Variants in MAP1S observed in about 807,000 individuals in gnomAD.
MAP1S encodes microtubule associated protein 1S.
Under a neutral mutation model 60.9 loss-of-function variants are expected in MAP1S, and 27 were observed. That is an observed-to-expected ratio of 0.44 (90% confidence interval 0.33 to 0.61). The LOEUF (loss-of-function observed/expected upper bound fraction) is 0.61, where lower values mean the gene tolerates loss of function less well. MAP1S is among the 20% of genes least tolerant of loss of function. The pLI is 0.03. For synonymous variants in MAP1S, 826 were observed against 694.2 expected (o/e 1.19, Z -2.98); for missense variants, 1,608 against 1,486.6 (o/e 1.08, Z -1.34).
In MAP1S at chr19:17,727,973, G is replaced by T; in HGVS notation, c.2589G>T (p.Arg863=). ...AAACGGAGAACGTCAGCCGCACCCG[G>T]AAGCCCCTGGCCCGCCCCAACTCAC... is the stretch of plus-strand genomic sequence containing the variant. ...ARQTENVSRT[R]KPLARPNSRA... is the part of the protein sequence containing the mutation. Residue 863 remains arginine, a synonymous_variant, in exon 5 of 7, where the codon CGG becomes CGT. Transcript: ENST00000324096. This position sits in a 1 kb window ranked among gnomAD's most constrained non-coding sequence, Gnocchi z 4.1. 6.2e-7 allele frequency: 1 copy of T among 1,608,716 alleles called. No homozygotes were observed. The highest frequency in any genetic ancestry group is 8.5e-7 in the Non-Finnish European group (1 of 1,177,594).
At chr19:17,731,260 A>G (rs1230747356) in intron 5 of MAP1S, among the ~76,000 whole-genome samples, 2 of 152,104 alleles carry the variant, frequency 1.3e-5, no homozygotes, top group African/African-American at 2.4e-5. Context: ...TCCATTTCAC[A>G]TTTAGGTCCA....
intron 5 of MAP1S, among the ~76,000 whole-genome samples, chr19:17,729,135 G>T (rs2080470619): frequency 6.6e-6 from 1 of 152,174 alleles, no homozygotes; most frequent in African/African-American, 2.4e-5. Flanking sequence ...AAAGAGAAAA[G>T]GCACATAGGG....
Position 17,727,255 on chromosome 19 carries a change from T to A in MAP1S, c.1871T>A (p.Leu624Gln). 6.4e-7 allele frequency: 1 copy of A among 1,573,194 alleles called. No homozygotes were observed. Among genetic ancestry groups the A allele is most frequent in the Non-Finnish European group, 8.6e-7 (1 of 1,164,898 alleles). The change falls in exon 5 of 7, where the codon CTG becomes CAG. Residue 624 changes from leucine (L) to glutamine (Q), a missense_variant. Coordinates refer to ENST00000324096, the MANE Select transcript of MAP1S (RefSeq NM_018174.6). The surrounding 1 kb of genome is among the most constrained non-coding windows in gnomAD (Gnocchi z 4.1). ...ATCCCAGCCGGGGAGGAGAAGGCAC[T>A]GGAGCTGCCTTTGGCCGCCAGCTCA... ...GPIPAGEEKALELPLAASSIP... is the reference protein window; with the variant it reads ...GPIPAGEEKAQELPLAASSIP...
Position 17,729,220 on chromosome 19 carries a change from C to T in MAP1S, c.2788+1048C>T, listed in dbSNP as rs150512484. ...GGGCTGCACACCACAGGCTTCATTT[C>T]TCCAGTAGCAAGTTGTAACAGTGTG... On this transcript the variant is annotated intron_variant, in intron 5 of 6. Transcript: ENST00000324096. Among the ~76,000 whole-genome samples the T allele has an allele frequency of 9.6e-4, 146 of 152,284 alleles. 1 individual carries two copies. The highest frequency in any genetic ancestry group is 3.3e-3 in the African/African-American group (137 of 41,554).
At position 17,727,382 on chromosome 19, in the gene MAP1S, A is replaced by G. The variant is rs370046276; in HGVS notation, c.1998A>G (p.Pro666=). ...CACTGCGGGGCGGGGAGGCCGGGCC[A>G]GACGCCTCACCCACAGTGACCACAC... ...LSPLRGGEAG[P]DASPTVTTPT... The change falls in exon 5 of 7, where the codon CCA becomes CCG. Residue 666 remains proline, a synonymous_variant. Coordinates refer to ENST00000324096, the MANE Select transcript of MAP1S (RefSeq NM_018174.6). This position sits in a 1 kb window ranked among gnomAD's most constrained non-coding sequence, Gnocchi z 4.1. 3.1e-6 allele frequency: 5 copies of G among 1,592,324 alleles called. No homozygotes were observed. The highest frequency in any genetic ancestry group is 1.3e-5 in the African/African-American group (1 of 74,344).
rs373990918 is a variant in MAP1S at position 17,733,417 on chromosome 19, C to A, written c.3013C>A (p.Arg1005Ser). Residue 1005 changes from arginine to serine, a missense_variant, in exon 6 of 7, where the codon CGT becomes AGT. Physicochemically the swap from Arg to Ser is moderately radical, Grantham distance 110. This residue lies in a region of MAP1S where 76 missense variants were observed against 110.1 expected (regional missense o/e 0.69). Coordinates refer to ENST00000324096, the MANE Select transcript of MAP1S (RefSeq NM_018174.6). ...ALLASKQHWD[R>S]DLQVTLIPTF... The stretch of plus-strand genomic sequence containing the variant: ...ACTGGCCAGCAAGCAGCATTGGGAC[C>A]GTGACCTGCAGGTGCGTGTCACCCC... The A allele has an allele frequency of 6.2e-7, 1 of 1,600,602 alleles. No homozygotes were observed. Among genetic ancestry groups the A allele is most frequent in the Non-Finnish European group, 8.5e-7 (1 of 1,173,120 alleles).
At position 17,727,630 on chromosome 19, in the gene MAP1S, A is replaced by C. The variant is rs1326964271; in HGVS notation, c.2246A>C (p.Lys749Thr). The C allele has an allele frequency of 1.2e-6, 2 of 1,608,154 alleles. No homozygotes were observed. Among genetic ancestry groups the C allele is most frequent in the Non-Finnish European group, 1.7e-6 (2 of 1,179,736 alleles). ...LVSPCEFEHR[K>T]AVPMAPAPAS... The stretch of plus-strand genomic sequence containing the variant: ...TCACCCTGTGAATTTGAGCATCGCA[A>C]GGCGGTGCCAATGGCACCGGCACCT... The change falls in exon 5 of 7, where the codon AAG becomes ACG. Residue 749 changes from lysine (K) to threonine (T), a missense_variant. Lys to Thr is a moderately conservative substitution (Grantham distance 78, BLOSUM62 -1). Transcript: ENST00000324096. The surrounding 1 kb of genome is among the most constrained non-coding windows in gnomAD (Gnocchi z 4.1).
intron 2 of MAP1S, among the ~76,000 whole-genome samples, 193 bp from the exon 3 acceptor site, chr19:17,723,933 C>G (rs910156479): frequency 3.2e-4 from 48 of 152,212 alleles, no homozygotes; most frequent in African/African-American, 1.1e-3. Context: ...ATGGGGCCCT[C>G]TGGTTACTGC....
rs376985455 is a variant in MAP1S, at chr19:17,727,099, G to T, written c.1715G>T (p.Gly572Val). Residue 572 changes from glycine to valine, a missense_variant, in exon 5 of 7, where the codon GGC (glycine) becomes GTC (valine). This residue lies in a region of MAP1S where 1,167 missense variants were observed against 961.4 expected (regional missense o/e 1.21). Transcript: ENST00000324096. The surrounding 1 kb of genome is among the most constrained non-coding windows in gnomAD (Gnocchi z 4.1). ...AAAGCGCCCAGCACGTCCCACTCTG[G>T]CTTCCCGCCGGTGGCAAATGGACCC... ...PRKAPSTSHS[G>V]FPPVANGPRS... 2.5e-6 allele frequency: 4 copies of T among 1,597,140 alleles called. No homozygotes were observed. Among genetic ancestry groups the T allele is most frequent in the Middle Eastern group, 3.3e-4 (2 of 6,068 alleles).
chr19:17,732,869 C>T (rs1008739117), intron 5 of MAP1S, among the ~76,000 whole-genome samples: 5 of 152,136 alleles, frequency 3.3e-5, no homozygotes, highest in East Asian at 1.9e-4. Flanking sequence ...AAGGGGTGGC[C>T]GGTGGTGTTT....
Position 17,726,949 on chromosome 19 carries a change from C to T in MAP1S, c.1565C>T (p.Pro522Leu), listed in dbSNP as rs775993412. Residue 522 changes from proline (P) to leucine (L), a missense_variant, in exon 5 of 7, where the codon CCC becomes CTC. By Grantham distance (98) the Pro-to-Leu change is moderately conservative (BLOSUM62 -3). Transcript: ENST00000324096. ...AAGACTGAGAAAGAAGCCAAGACCC[C>T]CCGGGAGTTGAAGAAAGACCCCAAA... ...PRKTEKEAKT[P>L]RELKKDPKPS... The T allele has an allele frequency of 3.2e-6, 5 of 1,572,828 alleles. No homozygotes were observed. The highest frequency in any genetic ancestry group is 4.3e-6 in the Non-Finnish European group (5 of 1,159,878).
Position 17,727,441 on chromosome 19 carries a change from TG to T in MAP1S, c.2060del (p.Gly687AlafsTer31). The T allele has an allele frequency of 6.2e-7, 1 of 1,603,072 alleles. No individual in the cohort carries two copies. Among genetic ancestry groups the T allele is most frequent in the Non-Finnish European group, 8.5e-7 (1 of 1,175,466 alleles). On this transcript the variant is annotated frameshift_variant, in exon 5 of 7. Coordinates refer to ENST00000324096, the MANE Select transcript of MAP1S (RefSeq NM_018174.6). LOFTEE classifies it high-confidence loss of function. The surrounding 1 kb of genome is among the most constrained non-coding windows in gnomAD (Gnocchi z 4.1). ...ACCACGCCCTCACTACCCGCAGAGG[TG>T]GGCTCCCCGCACTCGACCGAGGTGG... is the stretch of plus-strand genomic sequence containing the variant. Reference protein sequence around the residue: ...TVTTPSLPAEVGSPHSTEVDE... With the variant: ...TVTTPSLPAEXGSPHSTEVDE...
chr19:17,720,291 T>C, intron 1 of MAP1S: 1 of 1,429,182 alleles, frequency 7.0e-7, no homozygotes, highest in Admixed American at 2.6e-5. Flanking sequence ...TTTCATTGCA[T>C]GTAAAATGGG....
At chr19:17,722,352 C>T (rs533791718) in intron 2 of MAP1S, among the ~76,000 whole-genome samples, 13 of 152,210 alleles carry the variant, frequency 8.5e-5, no homozygotes, top group Non-Finnish European at 1.3e-4. Flanking sequence ...CTCAGGAGCC[C>T]GAGGAGGGAG....
intron 5 of MAP1S, among the ~76,000 whole-genome samples, 169 bp downstream of exon 5, chr19:17,728,341 T>C (rs561698402): frequency 7.2e-5 from 11 of 152,132 alleles, no homozygotes; most frequent in Non-Finnish European, 1.6e-4. Flanking sequence ...CCTTGAACAA[T>C]GGGGCTCAAG....
In MAP1S at chr19:17,727,589, G is replaced by T; in HGVS notation, c.2205G>T (p.Val735=). ...RARRSASPHD[V]DLCLVSPCEF... is the part of the protein sequence containing the mutation. Reference sequence around the variant, plus strand: ...GGCGCTCGGCTTCCCCACACGATGTGGACCTGTGCCTGGTGTCACCCTGTG... The same window carrying T: ...GGCGCTCGGCTTCCCCACACGATGTTGACCTGTGCCTGGTGTCACCCTGTG... Residue 735 remains valine, a synonymous_variant, in exon 5 of 7, where the codon GTG becomes GTT. Coordinates refer to ENST00000324096, the MANE Select transcript of MAP1S (RefSeq NM_018174.6). The surrounding 1 kb of genome is among the most constrained non-coding windows in gnomAD (Gnocchi z 4.1). 6.2e-7 allele frequency: 1 copy of T among 1,607,384 alleles called. No individual in the cohort carries two copies. The highest frequency in any genetic ancestry group is 8.5e-7 in the Non-Finnish European group (1 of 1,179,706).
At position 17,720,932 on chromosome 19, in the gene MAP1S, C is replaced by G; in HGVS notation, c.119-4C>G. The stretch of plus-strand genomic sequence containing the variant: ...CTCCCGCCTTGATCCCTCCTTCCCA[C>G]CAGGCATCCGGTCTTGGGATGTCGA... On this transcript the variant is annotated splice_polypyrimidine_tract_variant and splice_region_variant and intron_variant, in intron 1 of 6. Coordinates refer to ENST00000324096, the MANE Select transcript of MAP1S (RefSeq NM_018174.6). 1 of 1,612,248 alleles carries G rather than the reference C, an allele frequency of 6.2e-7. No individual in the cohort carries two copies. The highest frequency in any genetic ancestry group is 8.5e-7 in the Non-Finnish European group (1 of 1,178,326).
At chr19:17,720,689 A>T in intron 1 of MAP1S, 2 of 634,630 alleles carry the variant, frequency 3.2e-6, no homozygotes, top group Non-Finnish European at 2.7e-6. Flanking sequence ...AGCAGCGAGG[A>T]GGTGGAGATG....
At chr19:17,732,342 C>G (rs556491591) in intron 5 of MAP1S, among the ~76,000 whole-genome samples, 1 of 152,326 alleles carries the variant, frequency 6.6e-6, no homozygotes, top group Non-Finnish European at 1.5e-5. Context: ...AGTACTCTTA[C>G]CCCCTGAGCT....
Sources: gnomAD v4.1 joint callset for allele counts (sites outside exome capture counted in the v4.1 genomes callset) on GRCh38, gnomAD v4.1.1 for gene constraint, gnomAD v4.1.1 regional missense constraint, Gnocchi (gnomAD v3.1) non-coding constraint, MANE v1.5 for transcripts, NCBI Gene and HGNC (gene_info 2026-07-23, HGNC 2026-07-21) for gene names.